LGR4: variants seen among roughly 807,000 people sequenced by gnomAD.
LGR4 encodes leucine rich repeat containing G protein-coupled receptor 4.
Under a neutral mutation model 84.8 loss-of-function variants are expected in LGR4, and 44 were observed. That is an observed-to-expected ratio of 0.52 (90% CI 0.41 to 0.67). The LOEUF (loss-of-function observed/expected upper bound fraction) is 0.67, where lower values mean the gene tolerates loss of function less well. Ranked by LOEUF, LGR4 falls within the 30% of genes least tolerant of loss-of-function variation. The pLI is 0.00. For missense variants in LGR4, 1,032 were observed against 1,131.4 expected, an observed-to-expected ratio of 0.91 and a Z score of 1.26; for synonymous variants, 429 against 434.3, an observed-to-expected ratio of 0.99 and a Z score of 0.15.
At chr11:27,436,619 G>A (rs1864216865) in intron 1 of LGR4, among the ~76,000 whole-genome samples, 1 of 151,974 alleles carries the variant, frequency 6.6e-6, no homozygotes, top group Non-Finnish European at 1.5e-5. Flanking sequence ...TCATGTATAT[G>A]GAGAGGAAAA....
At position 27,380,235 on chromosome 11, in the gene LGR4, T is replaced by G. The variant is rs769755481; in HGVS notation, c.971+36A>C. The G allele has an allele frequency of 1.0e-5, 14 of 1,385,292 alleles. No individual in the cohort carries two copies. In the South Asian group the frequency reaches 1.7e-4, roughly 17 times the overall value. 85.8% of individuals were successfully genotyped at this position (1,385,292 alleles called of 1,614,324 possible). On this transcript the variant is annotated intron_variant, in intron 10 of 17. Coordinates refer to ENST00000379214, the MANE Select transcript of LGR4 (RefSeq NM_018490.5). Reference sequence around the variant, plus strand: ...CCCTGCTAGCAGTCCAGTAGTGTTATCTTTATACAACCCCTCTTCAAAGGG... The same window carrying G: ...CCCTGCTAGCAGTCCAGTAGTGTTAGCTTTATACAACCCCTCTTCAAAGGG...
intron 1 of LGR4, among the ~76,000 whole-genome samples, chr11:27,428,362 T>C (rs7926883): frequency 0.24 from 36,937 of 151,942 alleles, 7,558 homozygotes; most frequent in African/African-American, 0.56. Flanking sequence ...TGGTCTCAAA[T>C]TCCTGACCTT....
chr11:27,446,748 T>C (rs543266465), intron 1 of LGR4, among the ~76,000 whole-genome samples: 1 of 152,128 alleles, frequency 6.6e-6, no homozygotes, highest in East Asian at 1.9e-4. Context: ...ATGTTTATTG[T>C]GGCACTATTC....
chr11:27,417,324 T>C (rs1236110317), intron 1 of LGR4, among the ~76,000 whole-genome samples: 2 of 152,102 alleles, frequency 1.3e-5, no homozygotes, highest in Non-Finnish European at 2.9e-5. Context: ...GAATGTCACC[T>C]TCAAATCTTA....
At position 27,472,187 on chromosome 11, in the gene LGR4, C is replaced by T; in HGVS notation, c.116G>A (p.Arg39His). The T allele has an allele frequency of 2.3e-6, 3 of 1,286,648 alleles. No homozygotes were observed. Among genetic ancestry groups the T allele is most frequent in the Non-Finnish European group, 3.0e-6 (3 of 1,006,070 alleles). The allele number at this position is 1,286,648 out of a possible 1,614,324, so 79.7% of individuals were successfully genotyped here. A position where few individuals can be genotyped will look rare whatever the true frequency, so the allele number is the denominator to read the frequency against. Residue 39 changes from arginine to histidine, a missense_variant, in exon 1 of 18, where the codon CGT becomes CAT. By Grantham distance (29) the Arg-to-His change is conservative. Coordinates refer to ENST00000379214, the MANE Select transcript of LGR4 (RefSeq NM_018490.5). ...CCCCTTCCCGGAGCAGTCCACCCGA[C>T]GGTCGCCGTCGCAGCTGCAGGGCGC... is the stretch of plus-strand genomic sequence containing the variant. Reference protein sequence around the residue: ...CAAPCSCDGDRRVDCSGKGLT... With the variant: ...CAAPCSCDGDHRVDCSGKGLT...
Position 27,398,108 on chromosome 11 carries a change from T to C in LGR4, c.258-5590A>G, listed in dbSNP as rs535300831. Among the ~76,000 whole-genome samples the C allele has an allele frequency of 2.0e-5, 3 of 152,346 alleles. No individual in the cohort carries two copies. In the South Asian group the frequency reaches 6.2e-4, roughly 32 times the overall value. ...GGGGCTCCTTCCAGGGAAAGCTTTT[T>C]GGAAAGCAAGAATTTTCAATAATAT... On this transcript the variant is annotated intron_variant, in intron 2 of 17. Transcript: ENST00000379214.
At chr11:27,411,377 G>T (rs1397484936) in intron 2 of LGR4, among the ~76,000 whole-genome samples, 1 of 150,310 alleles carries the variant, frequency 6.7e-6, no homozygotes, top group African/African-American at 2.4e-5. Context: ...AATAATTAAT[G>T]TTCACTATAA....
intron 1 of LGR4, among the ~76,000 whole-genome samples, chr11:27,418,533 A>G (rs1049931164): frequency 6.6e-6 from 1 of 152,212 alleles, no homozygotes; most frequent in Non-Finnish European, 1.5e-5. Flanking sequence ...AGTACTTCCC[A>G]GCAAGAGGAA....
At chr11:27,402,502 T>C (rs1265835518) in intron 2 of LGR4, among the ~76,000 whole-genome samples, 1 of 152,194 alleles carries the variant, frequency 6.6e-6, no homozygotes, top group Non-Finnish European at 1.5e-5. Flanking sequence ...TCATGTAAGA[T>C]AATATACTTC....
intron 1 of LGR4, among the ~76,000 whole-genome samples, chr11:27,431,772 T>A (rs78321654): frequency 0.051 from 7,801 of 152,300 alleles, 250 homozygotes; most frequent in Middle Eastern, 0.092. Flanking sequence ...TATAATATTA[T>A]TTCAGTCTCA....
At chr11:27,418,172 T>C (rs1863857495) in intron 1 of LGR4, among the ~76,000 whole-genome samples, 1 of 152,234 alleles carries the variant, frequency 6.6e-6, no homozygotes, top group Non-Finnish European at 1.5e-5. Context: ...GTCCACTCTA[T>C]TCTTAACTTG....
intron 1 of LGR4, among the ~76,000 whole-genome samples, chr11:27,422,642 T>C (rs1863943697): frequency 2.6e-5 from 4 of 152,332 alleles, no homozygotes; most frequent in Middle Eastern, 3.4e-3. Flanking sequence ...CTCAAAACCA[T>C]GAGTTCAAGG....
chr11:27,377,042 A>C, intron 12 of LGR4, 116 bp downstream of exon 12: 1 of 595,882 alleles, frequency 1.7e-6, no homozygotes, highest in Non-Finnish European at 3.0e-6. Context: ...TTATGGGAAC[A>C]TCTGATTACA....
intron 1 of LGR4, among the ~76,000 whole-genome samples, chr11:27,445,905 C>T (rs1864381139): frequency 6.6e-6 from 1 of 151,908 alleles, no homozygotes; most frequent in African/African-American, 2.4e-5. Flanking sequence ...GTGCAGTAGC[C>T]ACATATTTGA....
At chr11:27,470,880 C>T (rs1192215135) in intron 1 of LGR4, among the ~76,000 whole-genome samples, 1 of 152,134 alleles carries the variant, frequency 6.6e-6, no homozygotes, top group East Asian at 1.9e-4. Flanking sequence ...ACACCTTTGC[C>T]ACCACCCACC....
intron 1 of LGR4, among the ~76,000 whole-genome samples, chr11:27,419,645 T>TA (rs1247152663): frequency 6.8e-6 from 1 of 147,828 alleles, no homozygotes; most frequent in African/African-American, 2.5e-5. Flanking sequence ...TAATTATATA[T>TA]ATACACATAT....
Position 27,472,504 on chromosome 11 carries a change from TGCTC to T in LGR4, c.-206_-203del. The stretch of plus-strand genomic sequence containing the variant: ...CGCTCCGGAGTTTCGCCCTTCCCGC[TGCTC>T]CATGGACGCGCAGAGGCAGCCCCGC... On this transcript the variant is annotated 5_prime_UTR_variant, in exon 1 of 18. It removes the in-frame stop codon of an upstream open reading frame in the 5' UTR. Transcript: ENST00000379214. 1 of 395,182 alleles carries T rather than the reference TGCTC, an allele frequency of 2.5e-6. No homozygotes were observed. The highest frequency in any genetic ancestry group is 4.4e-6 in the Non-Finnish European group (1 of 226,448). 24.5% of individuals were successfully genotyped at this position (395,182 alleles called of 1,614,324 possible).
intron 1 of LGR4, among the ~76,000 whole-genome samples, chr11:27,414,241 C>T (rs1863768890): frequency 6.6e-6 from 1 of 151,978 alleles, no homozygotes; most frequent in South Asian, 2.1e-4. Context: ...TTATTTGAAT[C>T]CTGTTATTAA....
At chr11:27,381,581 C>T (rs1446053467) in intron 7 of LGR4, among the ~76,000 whole-genome samples, 1 of 152,080 alleles carries the variant, frequency 6.6e-6, no homozygotes, top group East Asian at 1.9e-4. Context: ...ACCCAGGAAG[C>T]TAAGATGGGA....
Sources: allele counts gnomAD v4.1 joint callset (sites outside exome capture counted in the v4.1 genomes callset), GRCh38; gene constraint gnomAD v4.1.1; transcripts MANE v1.5; gene names NCBI Gene and HGNC (gene_info 2026-07-23, HGNC 2026-07-21).